Variants in DPF2 observed in about 807,000 individuals in gnomAD.
The protein encoded by DPF2 is zinc finger protein ubi-d4.
A neutral mutation model predicts 59.6 loss-of-function variants in DPF2; 10 were observed. The observed-to-expected ratio is 0.17, with a 90% confidence interval of 0.10 to 0.28. The LOEUF is 0.28. Among genes scored for constraint, DPF2 ranks in the 10% least tolerant of loss-of-function variants. DPF2 has a pLI of 1.00. For synonymous variants in DPF2, 189 were observed against 190.6 expected (o/e 0.99, Z 0.07); for missense variants, 315 against 509.4 (o/e 0.62, Z 3.67).
chr11:65,352,984 C>T lies in DPF2; in HGVS notation c.*1225C>T, dbSNP rs1854768887. ...AAAATAAATGTTTTTACACAGAGCC[C>T]TCTGCTGGATGGTTTATCTCCTGCC... On this transcript the variant is annotated 3_prime_UTR_variant, in exon 11 of 11. Transcript: ENST00000528416. 1 of 151,736 alleles carries T rather than the reference C, an allele frequency of 6.6e-6. No individual in the cohort carries two copies. Among genetic ancestry groups the T allele is most frequent in the African/African-American group, 2.4e-5 (1 of 41,292 alleles). The allele number at this position is 151,736 out of a possible 1,614,324, so 9.4% of individuals were successfully genotyped here.
chr11:65,352,846 A>G lies in DPF2; in HGVS notation c.*1087A>G, dbSNP rs1275593105. The G allele has an allele frequency of 6.6e-6, 1 of 152,484 alleles. No homozygotes were observed. 9.4% of individuals were successfully genotyped at this position (152,484 alleles called of 1,614,324 possible). The stretch of plus-strand genomic sequence containing the variant: ...GTGGGGGGACAGTCCATGCCAGGAC[A>G]CCCTGGAGTAGCCTTCCCCCTTGGC... On this transcript the variant is annotated 3_prime_UTR_variant, in exon 11 of 11. Transcript: ENST00000528416.
At position 65,340,436 on chromosome 11, in the gene DPF2, T is replaced by C. The variant is rs191092486; in HGVS notation, c.84T>C (p.Asn28=). 5 of 1,614,264 alleles carry C rather than the reference T, an allele frequency of 3.1e-6. No homozygotes were observed. The African/African-American group carries it at 6.7e-5, about 22-fold the overall frequency. The change falls in exon 2 of 11, where the codon AAT becomes AAC. Residue 28 remains asparagine, a synonymous_variant. Coordinates refer to ENST00000528416, the MANE Select transcript of DPF2 (RefSeq NM_006268.5). The part of the protein sequence containing the change: ...KDAMEQCHNY[N]ARLCAERSVR... ...CCATGGAGCAGTGCCACAATTACAA[T>C]GCTCGCCTCTGTGCTGAGCGCAGCG...
intron 2 of DPF2, 133 bp downstream of exon 2, chr11:65,340,678 G>A: frequency 7.7e-7 from 1 of 1,304,256 alleles, no homozygotes; most frequent in Non-Finnish European, 1.0e-6. Flanking sequence ...GTCTTCCTGT[G>A]ATTAGAAACC....
At chr11:65,337,494 TATATATATATAGAGAGAGAGAG>T (rs1437613969) in intron 1 of DPF2, among the ~76,000 whole-genome samples, 15 of 62,584 alleles carry the variant, frequency 2.4e-4, no homozygotes, top group South Asian at 6.2e-4. Context: ...TATATATATA[TATATATATATAGAGAGAGAGAG>T]AGAGAGAGAG....
At position 65,340,438 on chromosome 11, in the gene DPF2, C is replaced by T; in HGVS notation, c.86C>T (p.Ala29Val). 6.2e-7 allele frequency: 1 copy of T among 1,614,264 alleles called. No individual in the cohort carries two copies. Among genetic ancestry groups the T allele is most frequent in the Non-Finnish European group, 8.5e-7 (1 of 1,180,046 alleles). ...ATGGAGCAGTGCCACAATTACAATG[C>T]TCGCCTCTGTGCTGAGCGCAGCGTG... is the stretch of plus-strand genomic sequence containing the variant. ...DAMEQCHNYN[A>V]RLCAERSVRL... Residue 29 changes from alanine to valine, a missense_variant, in exon 2 of 11, where the codon GCT becomes GTT. Coordinates refer to ENST00000528416, the MANE Select transcript of DPF2 (RefSeq NM_006268.5).
intron 1 of DPF2, among the ~76,000 whole-genome samples, chr11:65,335,844 C>T (rs184717038): frequency 6.6e-6 from 1 of 152,126 alleles, no homozygotes; most frequent in East Asian, 1.9e-4. Context: ...CAGAGTCTCA[C>T]TGTTGTCGGC....
rs1300300422 is a variant in DPF2, at chr11:65,341,767, CTT to C, written c.465+208_465+209del. The C allele has an allele frequency of 1.0e-5, 6 of 591,936 alleles. No individual in the cohort carries two copies. In the Middle Eastern group the frequency reaches 1.4e-3, roughly 135 times the overall value. The allele number at this position is 591,936 out of a possible 1,614,324, so 36.7% of individuals were successfully genotyped here. A position where few individuals can be genotyped will look rare whatever the true frequency, so the allele number is the denominator to read the frequency against. On this transcript the variant is annotated intron_variant, in intron 4 of 10. Transcript: ENST00000528416. ...CTAACTATAGACTCTCATTCATTCA[CTT>C]TTATCACAGAAGGTTATTATTATAC...
At chr11:65,340,598 C>G in intron 2 of DPF2, 53 bp downstream of exon 2, 1 of 1,602,522 alleles carries the variant, frequency 6.2e-7, no homozygotes, top group South Asian at 1.1e-5. Flanking sequence ...GAGGAAGAAG[C>G]CTCCTCATCT....
chr11:65,336,519 C>T (rs559063343), intron 1 of DPF2, among the ~76,000 whole-genome samples: 10 of 151,840 alleles, frequency 6.6e-5, no homozygotes, highest in African/African-American at 2.4e-4. Context: ...CTGTTGGGCG[C>T]GGTGGCTCAT....
intron 1 of DPF2, among the ~76,000 whole-genome samples, chr11:65,334,222 T>A (rs1280154423): frequency 2.6e-5 from 4 of 152,134 alleles, no homozygotes; most frequent in Non-Finnish European, 5.9e-5. Flanking sequence ...CACGCGAGAC[T>A]CACCGTCCCG....
At position 65,345,776 on chromosome 11, in the gene DPF2, G is replaced by A. The variant is rs1426562355; in HGVS notation, c.748G>A (p.Val250Ile). The A allele has an allele frequency of 1.9e-6, 3 of 1,614,112 alleles. No homozygotes were observed. Among genetic ancestry groups the A allele is most frequent in the Non-Finnish European group, 2.5e-6 (3 of 1,180,030 alleles). ...GGAAGACTCTCAACCACCCACTCCT[G>A]TTTCCCAGAGGTCTGAGGAGCAGAA... ...DKEDSQPPTP[V>I]SQRSEEQKSK... The change falls in exon 7 of 11, where the codon GTT becomes ATT. Residue 250 changes from valine (V) to isoleucine (I), a missense_variant. By Grantham distance (29) the Val-to-Ile change is conservative. Transcript: ENST00000528416.
chr11:65,340,154 T>C (rs1297512715), intron 1 of DPF2, among the ~76,000 whole-genome samples: 3 of 152,212 alleles, frequency 2.0e-5, no homozygotes, highest in East Asian at 1.9e-4. Context: ...ATTAGACATA[T>C]GATGAAATCA....
Position 65,343,837 on chromosome 11 carries a change from G to T in DPF2, c.558G>T (p.Lys186Asn). 1 of 1,584,230 alleles carries T rather than the reference G, an allele frequency of 6.3e-7. No individual in the cohort carries two copies. Reference sequence around the variant, plus strand: ...AGCGTCGGGGAAAGGGGAAATCCAAGGTGAGGGGCCAGCGTGCTGCCTGCA... The same window carrying T: ...AGCGTCGGGGAAAGGGGAAATCCAATGTGAGGGGCCAGCGTGCTGCCTGCA... Reference protein sequence around the residue: ...TPKRRGKGKSKGKGVGSARKK... With the variant: ...TPKRRGKGKSNGKGVGSARKK... The change falls in exon 5 of 11, where the codon AAG (lysine) becomes AAT (asparagine). Residue 186 changes from lysine to asparagine, a missense_variant and splice_region_variant. Lys to Asn is a moderately conservative substitution (Grantham distance 94). Transcript: ENST00000528416.
intron 2 of DPF2, 31 bp from the exon 3 acceptor site, chr11:65,340,935 G>C (rs1854349287): frequency 6.2e-7 from 1 of 1,606,368 alleles, no homozygotes; most frequent in Non-Finnish European, 8.5e-7. Flanking sequence ...ACTGGGTTAG[G>C]GCCTGACTTC....
intron 4 of DPF2, chr11:65,343,539 G>A (rs1480835333): frequency 8.7e-6 from 5 of 575,640 alleles, no homozygotes; most frequent in South Asian, 4.4e-5. Context: ...AGGAAATAAC[G>A]TGAAGCACAG....
At chr11:65,342,323 G>A (rs970633008) in intron 4 of DPF2, among the ~76,000 whole-genome samples, 1 of 152,124 alleles carries the variant, frequency 6.6e-6, no homozygotes, top group Non-Finnish European at 1.5e-5. Flanking sequence ...GGTGGCACAC[G>A]CCTGCAGTCC....
At chr11:65,343,251 A>T (rs993972754) in intron 4 of DPF2, among the ~76,000 whole-genome samples, 3 of 134,608 alleles carry the variant, frequency 2.2e-5, no homozygotes, top group African/African-American at 8.1e-5. Flanking sequence ...GTAAGCCAGT[A>T]TTGCGCCATT....
Position 65,353,636 on chromosome 11 carries a change from T to G in DPF2, c.*1877T>G, listed in dbSNP as rs758543869. Among the ~76,000 whole-genome samples the G allele has an allele frequency of 2.0e-4, 30 of 152,218 alleles. No individual in the cohort carries two copies. The highest frequency in any genetic ancestry group is 2.9e-4 in the Non-Finnish European group (20 of 68,026). On this transcript the variant is annotated 3_prime_UTR_variant, in exon 11 of 11. Coordinates refer to ENST00000528416, the MANE Select transcript of DPF2 (RefSeq NM_006268.5). ...CAGCGCGTATGTCTTCAGTGTGTGTTTTAGAAGTCCAACTGTTGTTTTTAT... is the reference window on the plus strand; with the variant it reads ...CAGCGCGTATGTCTTCAGTGTGTGTGTTAGAAGTCCAACTGTTGTTTTTAT...
Position 65,333,891 on chromosome 11 carries a change from C to T in DPF2, c.5C>T (p.Ala2Val). 6.2e-7 allele frequency: 1 copy of T among 1,613,840 alleles called. No homozygotes were observed. Among genetic ancestry groups the T allele is most frequent in the Non-Finnish European group, 8.5e-7 (1 of 1,179,882 alleles). Residue 2 changes from alanine to valine, a missense_variant, in exon 1 of 11, where the codon GCG becomes GTG. Transcript: ENST00000528416. Reference sequence around the variant, plus strand: ...CGAGGCAGAGGAACAGGGAAGATGGCGGCTGTGGTGGAGAATGTAGTGAAG... The same window carrying T: ...CGAGGCAGAGGAACAGGGAAGATGGTGGCTGTGGTGGAGAATGTAGTGAAG... M[A>V]AVVENVVKLL... is the part of the protein sequence containing the mutation.
Sources: allele counts gnomAD v4.1 joint callset (sites outside exome capture counted in the v4.1 genomes callset), GRCh38; gene constraint gnomAD v4.1.1; transcripts MANE v1.5; gene names NCBI Gene and HGNC (gene_info 2026-07-23, HGNC 2026-07-21).